FLACC1: variants seen among roughly 807,000 people sequenced by gnomAD.
FLACC1 encodes flagellum associated containing coiled-coil domains 1.
A neutral mutation model predicts 62.8 loss-of-function variants in FLACC1; 66 were observed. The observed-to-expected ratio is 1.05, with a 90% CI of 0.86 to 1.29. The LOEUF is 1.29. Among genes scored for constraint, FLACC1 ranks in the 50% most tolerant of loss-of-function variants. The pLI is 0.00. For synonymous variants in FLACC1, 156 were observed against 161.0 expected (o/e 0.97, Z 0.24); for missense variants, 452 against 489.1 (o/e 0.92, Z 0.71).
At chr2:201,341,509 T>C (rs746700877) in intron 7 of FLACC1, among the ~76,000 whole-genome samples, 14 of 150,118 alleles carry the variant, frequency 9.3e-5, no homozygotes, top group Admixed American at 3.3e-4. Flanking sequence ...CACAAGCATA[T>C]ATATATAGGT....
chr2:201,330,581 T>A (rs1219184763), intron 8 of FLACC1, 59 bp from the exon 9 acceptor site: 1 of 1,586,314 alleles, frequency 6.3e-7, no homozygotes, highest in Admixed American at 1.7e-5. Context: ...CATTTTCAAA[T>A]TCAAATGTGA....
chr2:201,344,172 A>G lies in FLACC1; in HGVS notation c.460T>C (p.Leu154=). 6.2e-7 allele frequency: 1 copy of G among 1,608,322 alleles called. No homozygotes were observed. Among genetic ancestry groups the G allele is most frequent in the Non-Finnish European group, 8.5e-7 (1 of 1,176,270 alleles). Residue 154 remains leucine (L), a splice_region_variant and synonymous_variant, in exon 6 of 15, where the codon TTG becomes CTG. Transcript: ENST00000392257. ...MNRDHQSAQK[L]LSSEMDLRCA... ...TTAGCTAATGTAAGGTCACTCACCAATTTCTGGGCAGACTGGTGGTCTCTG... is the reference window on the plus strand; with the variant it reads ...TTAGCTAATGTAAGGTCACTCACCAGTTTCTGGGCAGACTGGTGGTCTCTG...
intron 11 of FLACC1, among the ~76,000 whole-genome samples, chr2:201,302,872 T>G (rs1251600054): frequency 6.6e-6 from 1 of 152,162 alleles, no homozygotes. Flanking sequence ...AAGATGTTCT[T>G]CGAAACCAAT....
intron 11 of FLACC1, among the ~76,000 whole-genome samples, chr2:201,300,738 G>A (rs1247676399): frequency 3.3e-5 from 5 of 151,904 alleles, no homozygotes; most frequent in Non-Finnish European, 5.9e-5. Flanking sequence ...TCAGAGAAAC[G>A]ATCAGGCAGC....
chr2:201,363,248 G>T, the FLACC1 span, among the ~76,000 whole-genome samples: 1 of 151,982 alleles, frequency 6.6e-6, no homozygotes, highest in African/African-American at 2.4e-5. Flanking sequence ...CCTTGGATCA[G>T]CAGCCTGAGT....
At chr2:201,345,082 G>A (rs1950885337) in intron 5 of FLACC1, among the ~76,000 whole-genome samples, 1 of 152,190 alleles carries the variant, frequency 6.6e-6, no homozygotes, top group Non-Finnish European at 1.5e-5. Context: ...AATACAACAA[G>A]CACAGGTTAT....
chr2:201,354,400 G>C (rs1470766318), intron 1 of FLACC1, among the ~76,000 whole-genome samples: 1 of 152,198 alleles, frequency 6.6e-6, no homozygotes, highest in Non-Finnish European at 1.5e-5. Flanking sequence ...CTGGGCCAGA[G>C]GCCTGGGACT....
At chr2:201,301,984 C>T (rs1949995090) in intron 11 of FLACC1, among the ~76,000 whole-genome samples, 1 of 152,124 alleles carries the variant, frequency 6.6e-6, no homozygotes, top group African/African-American at 2.4e-5. Context: ...CAAAAACATG[C>T]CAAATTGTAA....
intron 7 of FLACC1, among the ~76,000 whole-genome samples, chr2:201,333,805 A>T (rs7572312): frequency 0.032 from 4,847 of 152,122 alleles, 218 homozygotes; most frequent in African/African-American, 0.097. Flanking sequence ...AGTCTATCAT[A>T]GTTGGACATT....
intron 7 of FLACC1, among the ~76,000 whole-genome samples, chr2:201,332,713 T>C (rs992422518): frequency 1.3e-5 from 2 of 151,994 alleles, no homozygotes; most frequent in African/African-American, 2.4e-5. Flanking sequence ...CATCTCCCTA[T>C]TCCCCCCACC....
chr2:201,305,170 T>C (rs983743192), intron 11 of FLACC1, among the ~76,000 whole-genome samples: 5 of 152,200 alleles, frequency 3.3e-5, no homozygotes. Context: ...GAGAAAATTT[T>C]TGCAATCTAC....
Position 201,315,014 on chromosome 2 carries a change from A to C in FLACC1, c.676-5764T>G, listed in dbSNP as rs12619424. 2.6e-5 allele frequency among the ~76,000 whole-genome samples: 4 copies of C among 152,326 alleles called. No individual in the cohort carries two copies. In the East Asian group the frequency reaches 5.8e-4, roughly 22 times the overall value. The stretch of plus-strand genomic sequence containing the variant: ...AAGAACTTGCCACTACCAAGGCAGC[A>C]CTACAAAAACTGCTAAAAGGAGCTC... On this transcript the variant is annotated intron_variant, in intron 9 of 14. Transcript: ENST00000392257.
intron 9 of FLACC1, among the ~76,000 whole-genome samples, chr2:201,325,656 G>A (rs552267587): frequency 3.8e-4 from 58 of 152,202 alleles, no homozygotes; most frequent in African/African-American, 1.3e-3. Context: ...ATAACAAGCA[G>A]CAAGATTGAA....
intron 9 of FLACC1, among the ~76,000 whole-genome samples, chr2:201,312,069 G>T (rs948012196): frequency 6.6e-6 from 1 of 152,132 alleles, no homozygotes; most frequent in Non-Finnish European, 1.5e-5. Context: ...AGCACTGGAA[G>T]TACTAGCCAG....
At chr2:201,310,423 C>A (rs964969650) in intron 9 of FLACC1, among the ~76,000 whole-genome samples, 7 of 152,138 alleles carry the variant, frequency 4.6e-5, no homozygotes, top group Non-Finnish European at 7.4e-5. Flanking sequence ...TCTGGACTCT[C>A]AGTGCTAAAA....
At chr2:201,355,608 C>A (rs1383018095) in intron 1 of FLACC1, among the ~76,000 whole-genome samples, 1 of 151,786 alleles carries the variant, frequency 6.6e-6, no homozygotes, top group Non-Finnish European at 1.5e-5. Flanking sequence ...GTCTGTAATC[C>A]CAACACTTTG....
chr2:201,313,366 G>A (rs12986657), intron 9 of FLACC1, among the ~76,000 whole-genome samples: 50,949 of 151,926 alleles, frequency 0.34, 10,117 homozygotes, highest in East Asian at 0.48. Flanking sequence ...GGTACTACTG[G>A]GTTGGGGGCA....
intron 9 of FLACC1, among the ~76,000 whole-genome samples, chr2:201,316,446 TA>T (rs1247271040): frequency 6.6e-6 from 1 of 152,008 alleles, no homozygotes; most frequent in African/African-American, 2.4e-5. Flanking sequence ...GTGCATAAAC[TA>T]GAAAACCTAG....
At chr2:201,343,514 A>G (rs1950852060) in intron 6 of FLACC1, among the ~76,000 whole-genome samples, 1 of 152,186 alleles carries the variant, frequency 6.6e-6, no homozygotes, top group Non-Finnish European at 1.5e-5. Context: ...CATCTGGGGC[A>G]TATCAGAGGG....
Sources: gnomAD v4.1 joint callset for allele counts (sites outside exome capture counted in the v4.1 genomes callset) on GRCh38, gnomAD v4.1.1 for gene constraint, MANE v1.5 for transcripts, NCBI Gene and HGNC (gene_info 2026-07-23, HGNC 2026-07-21) for gene names.